PTPRK: variants seen among roughly 807,000 people sequenced by gnomAD.
The protein encoded by PTPRK is receptor-type tyrosine-protein phosphatase kappa.
Under a neutral mutation model 178.0 loss-of-function variants are expected in PTPRK, and 75 were observed. That is an observed-to-expected ratio of 0.42 (90% CI 0.35 to 0.51). PTPRK has a LOEUF of 0.51. Ranked by LOEUF, PTPRK falls within the 20% of genes least tolerant of loss-of-function variation. The pLI, the probability that PTPRK is intolerant of heterozygous loss-of-function variation, is 0.02. For missense variants in PTPRK, 1,441 were observed against 1,797.8 expected (o/e 0.80, Z 3.59); for synonymous variants, 637 against 620.6 (o/e 1.03, Z -0.39).
At chr6:128,358,721 T>C (rs1485005061) in intron 2 of PTPRK, among the ~76,000 whole-genome samples, 1 of 152,200 alleles carries the variant, frequency 6.6e-6, no homozygotes, top group Non-Finnish European at 1.5e-5. Context: ...TGATAAATCA[T>C]GCAAATAGAA....
chr6:128,360,259 T>G (rs1306303497), intron 2 of PTPRK, among the ~76,000 whole-genome samples: 7 of 152,158 alleles, frequency 4.6e-5, no homozygotes, highest in East Asian at 1.9e-4. Context: ...TCGCTTTAAG[T>G]GAGAAAAACA....
At chr6:128,041,403 A>G (rs1423974595) in intron 13 of PTPRK, among the ~76,000 whole-genome samples, 2 of 152,076 alleles carry the variant, frequency 1.3e-5, no homozygotes, top group African/African-American at 2.4e-5. Context: ...CTGATAAAGG[A>G]TAAAGAATAC....
chr6:128,084,434 G>A (rs1274573050), intron 8 of PTPRK, among the ~76,000 whole-genome samples: 2 of 152,102 alleles, frequency 1.3e-5, no homozygotes, highest in Non-Finnish European at 2.9e-5. Flanking sequence ...CAGATGGATA[G>A]GTTCAAATGT....
intron 20 of PTPRK, 30 bp from the exon 21 acceptor site, chr6:127,990,915 C>A (rs758617630): frequency 1.0e-5 from 13 of 1,293,224 alleles, no homozygotes; most frequent in Non-Finnish European, 1.5e-5. Context: ...TATAGACAGA[C>A]CTGAATATAT....
chr6:128,253,042 A>G (rs898001485), intron 3 of PTPRK, among the ~76,000 whole-genome samples: 8 of 152,164 alleles, frequency 5.3e-5, no homozygotes, highest in African/African-American at 1.9e-4. Context: ...AGTATAAGGT[A>G]TGCCAAACCC....
At chr6:128,004,033 T>G (rs1272794228) in intron 15 of PTPRK, among the ~76,000 whole-genome samples, 1 of 151,872 alleles carries the variant, frequency 6.6e-6, no homozygotes, top group East Asian at 1.9e-4. Context: ...AACTTCCCTC[T>G]TTACATACAA....
chr6:128,470,029 C>T (rs141874095), intron 1 of PTPRK, among the ~76,000 whole-genome samples: 106 of 152,198 alleles, frequency 7.0e-4, no homozygotes, highest in African/African-American at 2.3e-3. Flanking sequence ...TGTTGTTTTA[C>T]GCCGCTAACT....
chr6:128,434,157 G>A (rs1038430901), intron 1 of PTPRK, among the ~76,000 whole-genome samples: 1 of 151,966 alleles, frequency 6.6e-6, no homozygotes, highest in African/African-American at 2.4e-5. Flanking sequence ...CTCCAAAATA[G>A]CCCAGGTGAA....
chr6:128,087,935 A>G (rs1786211891), intron 8 of PTPRK, among the ~76,000 whole-genome samples: 1 of 152,190 alleles, frequency 6.6e-6, no homozygotes, highest in Non-Finnish European at 1.5e-5. Context: ...AATTATAAGT[A>G]TTTGTAAAAA....
intron 2 of PTPRK, among the ~76,000 whole-genome samples, chr6:128,388,171 A>T (rs560342871): frequency 6.6e-6 from 1 of 152,298 alleles, no homozygotes; most frequent in South Asian, 2.1e-4. Flanking sequence ...ATCTATATCA[A>T]AGAGTATCCC....
intron 13 of PTPRK, among the ~76,000 whole-genome samples, chr6:128,046,201 T>C (rs1206408272): frequency 6.6e-6 from 1 of 152,174 alleles, no homozygotes; most frequent in Non-Finnish European, 1.5e-5. Flanking sequence ...ATTACTAATA[T>C]ACTTTTCTGT....
At chr6:128,006,381 A>T (rs1778414749) in intron 14 of PTPRK, among the ~76,000 whole-genome samples, 1 of 151,018 alleles carries the variant, frequency 6.6e-6, no homozygotes, top group African/African-American at 2.4e-5. Flanking sequence ...GCATAATATC[A>T]TCCATTATCT....
At chr6:128,300,986 A>G (rs1825513647) in intron 3 of PTPRK, among the ~76,000 whole-genome samples, 3 of 149,148 alleles carry the variant, frequency 2.0e-5, no homozygotes, top group Non-Finnish European at 3.0e-5. Context: ...AGTCTTACTT[A>G]TAATGTTAGC....
rs774968527 is a variant in PTPRK at position 127,990,759 on chromosome 6, G to T, written c.3096+10C>A. The stretch of plus-strand genomic sequence containing the variant: ...TATCACTTTTTAAAATAGAATTTTA[G>T]AGTACTTACCCTTTCCAGGGTGAAT... On this transcript the variant is annotated intron_variant, in intron 21 of 29. Transcript: ENST00000368226. The T allele has an allele frequency of 2.4e-5, 37 of 1,529,942 alleles. No individual in the cohort carries two copies. In the African/African-American group the frequency reaches 4.7e-4, roughly 19 times the overall value. 94.8% of individuals were successfully genotyped at this position (1,529,942 alleles called of 1,614,324 possible).
intron 7 of PTPRK, among the ~76,000 whole-genome samples, chr6:128,118,790 T>G (rs571950975): frequency 1.3e-5 from 2 of 152,336 alleles, no homozygotes; most frequent in East Asian, 3.9e-4. Context: ...TCCTATTTAT[T>G]CTATGGTTTT....
chr6:128,134,720 T>C (rs1293580491), intron 7 of PTPRK, among the ~76,000 whole-genome samples: 1 of 151,978 alleles, frequency 6.6e-6, no homozygotes, highest in Non-Finnish European at 1.5e-5. Flanking sequence ...CTGAAGTGGG[T>C]GGAGTGCTTG....
In PTPRK at chr6:127,982,430, G is replaced by A. The variant is rs1211430251; in HGVS notation, c.3537+401C>T. ...TGGGACTACAGGCACCCGCCACCATGCCTGGCTAATTTTTTTTGTCTTTTT... is the reference window on the plus strand; with the variant it reads ...TGGGACTACAGGCACCCGCCACCATACCTGGCTAATTTTTTTTGTCTTTTT... On this transcript the variant is annotated intron_variant, in intron 24 of 29. Coordinates refer to ENST00000368226, the MANE Select transcript of PTPRK (RefSeq NM_002844.4). Among the ~76,000 whole-genome samples, 7 of 152,204 alleles carry A rather than the reference G, an allele frequency of 4.6e-5. No individual in the cohort carries two copies. In the East Asian group the frequency reaches 1.4e-3, roughly 29 times the overall value.
chr6:128,147,183 G>A (rs1460105151), intron 7 of PTPRK, among the ~76,000 whole-genome samples: 1 of 152,058 alleles, frequency 6.6e-6, no homozygotes, highest in Non-Finnish European at 1.5e-5. Flanking sequence ...AATTTATACA[G>A]AGATTATATG....
chr6:128,437,738 C>A (rs1273172377), intron 1 of PTPRK, among the ~76,000 whole-genome samples: 1 of 152,094 alleles, frequency 6.6e-6, no homozygotes, highest in Non-Finnish European at 1.5e-5. Context: ...ATAATGAAGG[C>A]AGACCCAAAA....
Sources: gnomAD v4.1 joint callset for allele counts (sites outside exome capture counted in the v4.1 genomes callset) on GRCh38, gnomAD v4.1.1 for gene constraint, MANE v1.5 for transcripts, NCBI Gene and HGNC (gene_info 2026-07-23, HGNC 2026-07-21) for gene names.